HLCS: variants seen among roughly 807,000 people sequenced by gnomAD.
The protein encoded by HLCS is biotin--protein ligase.
A neutral mutation model predicts 75.0 loss-of-function variants in HLCS; 53 were observed. The ratio of observed to expected loss-of-function variants is 0.71; its 90% CI spans 0.57 to 0.89. The LOEUF (loss-of-function observed/expected upper bound fraction) is 0.89. Among genes scored for constraint, HLCS ranks in the 40% least tolerant of loss-of-function variants. The probability of loss-of-function intolerance (pLI) is 0.00; values close to 1 mark genes in which losing one functional copy is unlikely to be tolerated. For synonymous variants in HLCS, 431 were observed against 428.6 expected (o/e 1.01, Z -0.07); for missense variants, 966 against 1,074.0 (o/e 0.90, Z 1.41).
At chr21:36,756,251 A>C (rs989606932) in intron 10 of HLCS, among the ~76,000 whole-genome samples, 2 of 148,214 alleles carry the variant, frequency 1.3e-5, no homozygotes, top group African/African-American at 2.7e-5. Context: ...ATCCTGGCTA[A>C]CACGGTGAAA....
At chr21:36,912,000 G>T (rs985577577) in intron 5 of HLCS, among the ~76,000 whole-genome samples, 3 of 151,522 alleles carry the variant, frequency 2.0e-5, no homozygotes, top group Admixed American at 2.0e-4. Context: ...GAACCCAGGA[G>T]GCGGAGGCTA....
intron 5 of HLCS, among the ~76,000 whole-genome samples, chr21:36,916,073 A>T (rs561465525): frequency 6.6e-6 from 1 of 152,350 alleles, no homozygotes; most frequent in East Asian, 1.9e-4. Context: ...ATCAGCTTGC[A>T]TGACAGTTTA....
rs77014096 is a variant in HLCS, at chr21:36,754,206, T to A, written c.*40A>T. 1 of 1,601,956 alleles carries A rather than the reference T, an allele frequency of 6.2e-7. No homozygotes were observed. The stretch of plus-strand genomic sequence containing the variant: ...ACTCTAAATTAGATTTCCAGATGCA[T>A]GGGCACGGACAGGCAGCCGCGTCTC... On this transcript the variant is annotated 3_prime_UTR_variant, in exon 11 of 11. Coordinates refer to ENST00000674895, the MANE Select transcript of HLCS (RefSeq NM_001352514.2).
chr21:36,923,810 A>T (rs1389304984), intron 5 of HLCS, among the ~76,000 whole-genome samples: 1 of 152,206 alleles, frequency 6.6e-6, no homozygotes. Flanking sequence ...ACCTTTTGCC[A>T]TGGGTATTAT....
intron 6 of HLCS, among the ~76,000 whole-genome samples, chr21:36,881,040 G>A (rs978379102): frequency 6.6e-6 from 1 of 151,930 alleles, no homozygotes; most frequent in African/African-American, 2.4e-5. Context: ...GCGTGATCTC[G>A]GCTCACTGCA....
chr21:36,941,419 G>A (rs1339878487), intron 2 of HLCS, among the ~76,000 whole-genome samples: 1 of 152,198 alleles, frequency 6.6e-6, no homozygotes, highest in East Asian at 1.9e-4. Flanking sequence ...CTAGCAGTGT[G>A]AAAACAGACT....
chr21:36,882,621 T>TTTC (rs1491427615), intron 6 of HLCS, among the ~76,000 whole-genome samples: 1 of 37,940 alleles, frequency 2.6e-5, no homozygotes, highest in Admixed American at 2.0e-4. Flanking sequence ...TCTTTCTTTC[T>TTTC]TTTTTTTTTT....
At chr21:36,969,099 T>C (rs1312356576), upstream of HLCS, among the ~76,000 whole-genome samples, 1 of 152,132 alleles carries the variant, frequency 6.6e-6, no homozygotes, top group Non-Finnish European at 1.5e-5. Flanking sequence ...CATTCATGCC[T>C]GGGGAAGGAA....
At chr21:36,881,684 A>G (rs2064222264) in intron 6 of HLCS, among the ~76,000 whole-genome samples, 2 of 152,208 alleles carry the variant, frequency 1.3e-5, no homozygotes, top group African/African-American at 4.8e-5. Flanking sequence ...TCAGCCAGAC[A>G]TGAAAAGAAA....
intron 6 of HLCS, among the ~76,000 whole-genome samples, chr21:36,794,603 T>G (rs2060972384): frequency 6.6e-6 from 1 of 152,120 alleles, no homozygotes; most frequent in African/African-American, 2.4e-5. Flanking sequence ...CAGGTCATAG[T>G]AAGAACTCTG....
chr21:36,768,969 C>T (rs749663321), intron 6 of HLCS, among the ~76,000 whole-genome samples: 1 of 151,952 alleles, frequency 6.6e-6, no homozygotes, highest in African/African-American at 2.4e-5. Flanking sequence ...GGGCAGGGGC[C>T]GAGGGGATGA....
At chr21:36,823,645 G>GTA (rs1555901741) in intron 6 of HLCS, among the ~76,000 whole-genome samples, 53 of 151,416 alleles carry the variant, frequency 3.5e-4, no homozygotes, top group African/African-American at 1.3e-3. Context: ...GTGTGTGTGT[G>GTA]TGTACACATG....
At chr21:36,870,345 G>A (rs2063727567) in intron 6 of HLCS, among the ~76,000 whole-genome samples, 1 of 152,080 alleles carries the variant, frequency 6.6e-6, no homozygotes, top group African/African-American at 2.4e-5. Flanking sequence ...CTCCTTAGCA[G>A]GCCTGATACG....
intron 6 of HLCS, among the ~76,000 whole-genome samples, chr21:36,806,923 GGCTCC>G (rs2061377520): frequency 6.6e-6 from 1 of 152,160 alleles, no homozygotes; most frequent in Admixed American, 6.5e-5. Flanking sequence ...CTGGGGGGGT[GGCTCC>G]GCCTCCACTT....
intron 6 of HLCS, chr21:36,806,145 T>A (rs184748211): frequency 6.6e-6 from 1 of 152,250 alleles, no homozygotes; most frequent in Non-Finnish European, 1.5e-5. Flanking sequence ...CTGGGTCACA[T>A]GGCTAAGCTG....
intron 2 of HLCS, 42 bp from the exon 3 acceptor site, chr21:36,939,036 T>C (rs1569221739): frequency 4.5e-6 from 7 of 1,551,092 alleles, no homozygotes; most frequent in Non-Finnish European, 6.1e-6. Context: ...AAAAGACAGG[T>C]TGAGATTTTT....
chr21:36,947,332 CCTAAGTGCAT>C (rs1164442277), intron 2 of HLCS: 1 of 985,218 alleles, frequency 1.0e-6, no homozygotes, highest in African/African-American at 1.7e-5. Context: ...TGTTTCCTCA[CCTAAGTGCAT>C]TTCCGTTTTC....
At chr21:36,849,676 G>A (rs753688210) in intron 6 of HLCS, among the ~76,000 whole-genome samples, 36 of 152,324 alleles carry the variant, frequency 2.4e-4, no homozygotes, top group Middle Eastern at 3.4e-3. Flanking sequence ...GCCAGCATCC[G>A]GCTCTGCCTG....
chr21:36,771,830 T>C (rs371815790), intron 6 of HLCS, among the ~76,000 whole-genome samples: 2 of 152,076 alleles, frequency 1.3e-5, no homozygotes, highest in East Asian at 3.9e-4. Flanking sequence ...AAACCCCATC[T>C]CTATTAAAAA....
Sources: allele counts gnomAD v4.1 joint callset (sites outside exome capture counted in the v4.1 genomes callset), GRCh38; gene constraint gnomAD v4.1.1; transcripts MANE v1.5; gene names NCBI Gene and HGNC (gene_info 2026-07-23, HGNC 2026-07-21).